The following RBFOX1 variants were observed in gnomAD, a reference collection of about 807,000 sequenced individuals.
RBFOX1 encodes the protein RNA binding fox-1 homolog 1.
In RBFOX1, 8 loss-of-function variants were observed where a neutral mutation model predicts 57.7. That is an observed-to-expected ratio of 0.14 (90% confidence interval 0.08 to 0.25). The LOEUF is 0.25. RBFOX1 is among the 10% of genes least tolerant of loss of function. RBFOX1 has a pLI of 1.00. For synonymous variants in RBFOX1, 326 were observed against 222.4 expected (o/e 1.47, Z -4.15); for missense variants, 611 against 548.5 (o/e 1.11, Z -1.14).
chr16:5,980,397 AGCG>A (rs2060148711), intron 4 of RBFOX1, among the ~76,000 whole-genome samples: 1 of 152,122 alleles, frequency 6.6e-6, no homozygotes, highest in African/African-American at 2.4e-5. Context: ...AAGTGCAGAT[AGCG>A]TCAGTGGGAT....
At chr16:6,124,036 T>C (rs937150781) in intron 1 of RBFOX1, among the ~76,000 whole-genome samples, 1 of 152,324 alleles carries the variant, frequency 6.6e-6, no homozygotes. Context: ...GGGGGGCTCA[T>C]TGGTTTCTAG....
intron 1 of RBFOX1, chr16:5,366,313 ATGATGATGATGATGATTT>A (rs1161370377): frequency 2.6e-5 from 9 of 340,698 alleles, no homozygotes; most frequent in Non-Finnish European, 3.9e-5. Flanking sequence ...GATGATGAAG[ATGATGATGATGATGATTT>A]TGATGATGAT....
chr16:6,787,996 G>C (rs2154244510), intron 3 of RBFOX1, among the ~76,000 whole-genome samples: 1 of 152,138 alleles, frequency 6.6e-6, no homozygotes, highest in South Asian at 2.1e-4. Context: ...TCCGAGGTGG[G>C]GGGACCGCTT....
At chr16:6,710,577 C>T (rs543507999) in intron 3 of RBFOX1, among the ~76,000 whole-genome samples, 83 of 152,302 alleles carry the variant, frequency 5.4e-4, no homozygotes, top group Middle Eastern at 3.4e-3. Flanking sequence ...GATCCGTTAC[C>T]GGAATAGTAC....
intron 2 of RBFOX1, among the ~76,000 whole-genome samples, chr16:5,471,099 G>A (rs1360429310): frequency 6.6e-6 from 1 of 152,130 alleles, no homozygotes; most frequent in African/African-American, 2.4e-5. Context: ...CTCCCAAAGT[G>A]CTGGGATTGC....
chr16:5,381,875 G>A (rs139957708), intron 1 of RBFOX1, among the ~76,000 whole-genome samples: 249 of 152,348 alleles, frequency 1.6e-3, no homozygotes, highest in African/African-American at 5.8e-3. Flanking sequence ...TAACTCCAGC[G>A]TGGGATTCTC....
intron 3 of RBFOX1, among the ~76,000 whole-genome samples, chr16:5,804,808 T>C (rs115244506): frequency 0.024 from 3,679 of 152,270 alleles, 173 homozygotes; most frequent in African/African-American, 0.084. Context: ...GCAGGTGTTT[T>C]CCCCACATTA....
intron 2 of RBFOX1, among the ~76,000 whole-genome samples, chr16:6,364,820 G>C (rs569484081): frequency 6.6e-6 from 1 of 152,320 alleles, no homozygotes; most frequent in Non-Finnish European, 1.5e-5. Flanking sequence ...CTGGTTGGCT[G>C]ACTTGGGAGA....
At chr16:7,233,605 A>C (rs1354242451) in intron 4 of RBFOX1, among the ~76,000 whole-genome samples, 1 of 152,178 alleles carries the variant, frequency 6.6e-6, no homozygotes, top group Non-Finnish European at 1.5e-5. Flanking sequence ...TGGGGAATAC[A>C]TGTATAGTTT....
intron 3 of RBFOX1, among the ~76,000 whole-genome samples, chr16:7,005,462 A>G (rs2093214339): frequency 6.6e-6 from 1 of 152,214 alleles, no homozygotes; most frequent in Admixed American, 6.5e-5. Context: ...TAGAAAGATA[A>G]TTGACAGGAA....
chr16:6,736,031 T>G (rs1267731547), intron 3 of RBFOX1, among the ~76,000 whole-genome samples: 2 of 150,056 alleles, frequency 1.3e-5, no homozygotes, highest in African/African-American at 4.9e-5. Context: ...ATTTAGAATT[T>G]TCAGCATGGT....
At chr16:5,254,584 C>T (rs1209556834) in intron 1 of RBFOX1, among the ~76,000 whole-genome samples, 1 of 152,356 alleles carries the variant, frequency 6.6e-6, no homozygotes, top group Non-Finnish European at 1.5e-5. Flanking sequence ...GACTGCCTCT[C>T]TCTTACCTGT....
chr16:6,786,621 G>C (rs944787845), intron 3 of RBFOX1, among the ~76,000 whole-genome samples: 1 of 152,130 alleles, frequency 6.6e-6, no homozygotes, highest in African/African-American at 2.4e-5. Flanking sequence ...CTTATGAAGG[G>C]GATGAGGAGA....
intron 4 of RBFOX1, among the ~76,000 whole-genome samples, chr16:7,298,237 A>G (rs1603563996): frequency 1.3e-5 from 2 of 150,358 alleles, no homozygotes; most frequent in South Asian, 4.2e-4. Context: ...GGGGGTTAGA[A>G]GCATCAACCC....
chr16:7,283,932 C>T (rs1029790750), intron 4 of RBFOX1, among the ~76,000 whole-genome samples: 23 of 152,168 alleles, frequency 1.5e-4, no homozygotes, highest in Non-Finnish European at 4.4e-5. Flanking sequence ...TTGCCTAGGG[C>T]CTAGTTATAG....
At chr16:5,463,307 C>G (rs2068848041) in intron 1 of RBFOX1, among the ~76,000 whole-genome samples, 1 of 152,112 alleles carries the variant, frequency 6.6e-6, no homozygotes, top group Non-Finnish European at 1.5e-5. Flanking sequence ...TTTTGCAGGG[C>G]AGCTCAGTGG....
At chr16:7,080,786 C>G (rs774030368) in intron 4 of RBFOX1, among the ~76,000 whole-genome samples, 2 of 152,140 alleles carry the variant, frequency 1.3e-5, no homozygotes, top group African/African-American at 4.8e-5. Context: ...TCATTCATTG[C>G]GTGGAAGACC....
At chr16:6,320,417 CA>C (rs2081625455) in intron 2 of RBFOX1, among the ~76,000 whole-genome samples, 1 of 151,818 alleles carries the variant, frequency 6.6e-6, no homozygotes. Flanking sequence ...ATGAGTGTGC[CA>C]AAACCTCAAA....
intron 4 of RBFOX1, among the ~76,000 whole-genome samples, chr16:7,278,900 G>T (rs773263316): frequency 6.6e-6 from 1 of 152,108 alleles, no homozygotes; most frequent in Admixed American, 6.5e-5. Context: ...TATTCTGACC[G>T]GGGCTAGAGA....
Sources: allele counts gnomAD v4.1 joint callset (sites outside exome capture counted in the v4.1 genomes callset), GRCh38; gene constraint gnomAD v4.1.1; transcripts MANE v1.5; gene names NCBI Gene and HGNC (gene_info 2026-07-23, HGNC 2026-07-21).